The following LSM11 variants were observed in gnomAD, a reference collection of about 807,000 sequenced individuals.
LSM11 encodes the protein U7 snRNA-associated Sm-like protein LSm11.
LSM11 carries 14 observed loss-of-function variants against 28.1 expected under a neutral mutation model. The ratio of observed to expected loss-of-function variants is 0.50; its 90% confidence interval spans 0.33 to 0.78. LSM11 has a LOEUF of 0.78. Ranked by LOEUF, LSM11 falls within the 30% of genes least tolerant of loss-of-function variation. The probability of loss-of-function intolerance (pLI) is 0.02; values close to 1 mark genes in which losing one functional copy is unlikely to be tolerated. For synonymous variants in LSM11, 207 were observed against 214.2 expected, an observed-to-expected ratio of 0.97 and a Z score of 0.30; for missense variants, 495 against 510.6, an observed-to-expected ratio of 0.97 and a Z score of 0.30.
rs1761097995 is a variant in LSM11, at chr5:157,743,738, G to C, written c.-13G>C. 3.7e-6 allele frequency: 5 copies of C among 1,348,136 alleles called. No homozygotes were observed. The South Asian group carries it at 5.2e-5, about 14-fold the overall frequency. 83.5% of individuals were successfully genotyped at this position (1,348,136 alleles called of 1,614,324 possible). On this transcript the variant is annotated 5_prime_UTR_variant, in exon 1 of 4. Transcript: ENST00000286307. The stretch of plus-strand genomic sequence containing the variant: ...CTTCTTCCCATCGGCCTCGGCTTGC[G>C]GGCCTTTCAAACATGGAGGAGCGGG...
At chr5:157,749,977 A>G (rs34278891) in intron 1 of LSM11, among the ~76,000 whole-genome samples, 16,074 of 152,262 alleles carry the variant, frequency 0.11, 912 homozygotes, top group Middle Eastern at 0.14. Flanking sequence ...TCATTTGTCT[A>G]CTGTCAATGC....
At chr5:157,747,993 C>CTGTGTGTGTGTGTGTG (rs5872520) in intron 1 of LSM11, among the ~76,000 whole-genome samples, 56 of 148,734 alleles carry the variant, frequency 3.8e-4, no homozygotes, top group African/African-American at 1.3e-3. Flanking sequence ...CACCACACTG[C>CTGTGTGTGTGTGTGTG]TGTGTGTGTG....
chr5:157,751,567 A>T, intron 2 of LSM11, 38 bp downstream of exon 2: 1 of 1,528,488 alleles, frequency 6.5e-7, no homozygotes, highest in Non-Finnish European at 8.7e-7. Flanking sequence ...AGAACCTCCT[A>T]CAGATTATAT....
chr5:157,743,914 A>C lies in LSM11; in HGVS notation c.164A>C (p.Asn55Thr). The change falls in exon 1 of 4, where the codon AAC becomes ACC. Residue 55 changes from asparagine (N) to threonine (T), a missense_variant. Transcript: ENST00000286307. Reference protein sequence around the residue: ...IPYPNAPCFNNVAEYESFLRT... With the variant: ...IPYPNAPCFNTVAEYESFLRT... Reference sequence around the variant, plus strand: ...TACCCCAATGCCCCCTGCTTCAACAACGTGGCGGAGTACGAGAGCTTCCTC... The same window carrying C: ...TACCCCAATGCCCCCTGCTTCAACACCGTGGCGGAGTACGAGAGCTTCCTC... 6.6e-7 allele frequency: 1 copy of C among 1,505,234 alleles called. No homozygotes were observed. 93.2% of individuals were successfully genotyped at this position (1,505,234 alleles called of 1,614,324 possible).
chr5:157,750,995 T>A (rs149783787), intron 1 of LSM11, among the ~76,000 whole-genome samples: 9,813 of 152,230 alleles, frequency 0.064, 423 homozygotes, highest in Middle Eastern at 0.12. Context: ...TTGGCCAGGC[T>A]GATCTCAAAC....
At chr5:157,751,185 A>T (rs1761225458) in intron 1 of LSM11, among the ~76,000 whole-genome samples, 1 of 152,174 alleles carries the variant, frequency 6.6e-6, no homozygotes, top group African/African-American at 2.4e-5. Flanking sequence ...CATATGGATG[A>T]TCCACATTCT....
chr5:157,754,714 G>C, intron 3 of LSM11, 140 bp from the exon 4 acceptor site: 1 of 366,526 alleles, frequency 2.7e-6, no homozygotes, highest in Non-Finnish European at 4.7e-6. Flanking sequence ...AAAAAAAAAA[G>C]ATTTATTACT....
intron 3 of LSM11, among the ~76,000 whole-genome samples, chr5:157,754,465 G>A (rs1761290451): frequency 2.0e-5 from 3 of 152,014 alleles, no homozygotes; most frequent in South Asian, 4.2e-4. Flanking sequence ...AGGCCGAGGC[G>A]GGTGAATCAT....
At position 157,756,568 on chromosome 5, in the gene LSM11, G is replaced by A. The variant is rs1761331658; in HGVS notation, c.*1304G>A. On this transcript the variant is annotated 3_prime_UTR_variant, in exon 4 of 4. Transcript: ENST00000286307. ...AACTTTCCCCTGCTGTATTTGTTGT[G>A]TAACATAAATAAGCCTTCTGAGAAG... 1 of 152,546 alleles carries A rather than the reference G, an allele frequency of 6.6e-6. No homozygotes were observed. The highest frequency in any genetic ancestry group is 1.5e-5 in the Non-Finnish European group (1 of 68,034). 9.4% of individuals were successfully genotyped at this position (152,546 alleles called of 1,614,324 possible).
At position 157,755,973 on chromosome 5, in the gene LSM11, T is replaced by C. The variant is rs768105162; in HGVS notation, c.*709T>C. 12 of 335,762 alleles carry C rather than the reference T, an allele frequency of 3.6e-5. No homozygotes were observed. Among genetic ancestry groups the C allele is most frequent in the Non-Finnish European group, 6.4e-5 (12 of 187,188 alleles). The allele number at this position is 335,762 out of a possible 1,614,324, so 20.8% of individuals were successfully genotyped here. A position where few individuals can be genotyped will look rare whatever the true frequency, so the allele number is the denominator to read the frequency against. On this transcript the variant is annotated 3_prime_UTR_variant, in exon 4 of 4. Transcript: ENST00000286307. ...GCAAATGGCATACCAGATGGGACTC[T>C]AAGATGCTTGTGTGGTGGCTTCTTG...
At chr5:157,746,339 G>A (rs1322219473) in intron 1 of LSM11, among the ~76,000 whole-genome samples, 1 of 152,224 alleles carries the variant, frequency 6.6e-6, no homozygotes, top group African/African-American at 2.4e-5. Context: ...GCAAGAAGAA[G>A]CTTTGTTAGG....
In LSM11 at chr5:157,743,773, C is replaced by T. The variant is rs1467284330; in HGVS notation, c.23C>T (p.Ala8Val). The change falls in exon 1 of 4, where the codon GCG becomes GTG. Residue 8 changes from alanine (A) to valine (V), a missense_variant. Transcript: ENST00000286307. MEERERG[A>V]RSAGAGSPAR... ...AACATGGAGGAGCGGGAGCGGGGGG[C>T]GAGGTCGGCTGGCGCCGGGAGCCCC... 5 of 1,411,202 alleles carry T rather than the reference C, an allele frequency of 3.5e-6. No individual in the cohort carries two copies. The highest frequency in any genetic ancestry group is 4.6e-6 in the Non-Finnish European group (5 of 1,084,738). The allele number at this position is 1,411,202 out of a possible 1,614,324, so 87.4% of individuals were successfully genotyped here.
chr5:157,755,968 G>T lies in LSM11; in HGVS notation c.*704G>T, dbSNP rs184283558. ...CCTCTGCAAATGGCATACCAGATGG[G>T]ACTCTAAGATGCTTGTGTGGTGGCT... On this transcript the variant is annotated 3_prime_UTR_variant, in exon 4 of 4. Transcript: ENST00000286307. 342 of 343,218 alleles carry T rather than the reference G, an allele frequency of 1.0e-3. 1 individual carries two copies. Among genetic ancestry groups the T allele is most frequent in the Admixed American group, 3.9e-3 (81 of 20,882 alleles). 21.3% of individuals were successfully genotyped at this position (343,218 alleles called of 1,614,324 possible). A position where few individuals can be genotyped will look rare whatever the true frequency, so the allele number is the denominator to read the frequency against.
intron 1 of LSM11, among the ~76,000 whole-genome samples, chr5:157,750,049 T>G (rs896879613): frequency 3.3e-5 from 5 of 152,232 alleles, no homozygotes; most frequent in African/African-American, 4.8e-5. Context: ...TACAGAATTT[T>G]GCGTTGCAAA....
At chr5:157,744,702 G>A (rs964956274) in intron 1 of LSM11, among the ~76,000 whole-genome samples, 1 of 152,146 alleles carries the variant, frequency 6.6e-6, no homozygotes, top group African/African-American at 2.4e-5. Flanking sequence ...CCAATATTAG[G>A]GGAAGGAGAG....
intron 2 of LSM11, among the ~76,000 whole-genome samples, 153 bp downstream of exon 2, chr5:157,751,682 A>G (rs974906764): frequency 6.6e-6 from 1 of 152,224 alleles, no homozygotes; most frequent in African/African-American, 2.4e-5. Flanking sequence ...AACAACAAGA[A>G]AAGGTCTTTT....
rs1429726196 is a variant in LSM11 at position 157,743,740 on chromosome 5, G to A, written c.-11G>A. The stretch of plus-strand genomic sequence containing the variant: ...TCTTCCCATCGGCCTCGGCTTGCGG[G>A]CCTTTCAAACATGGAGGAGCGGGAG... On this transcript the variant is annotated 5_prime_UTR_variant, in exon 1 of 4. Coordinates refer to ENST00000286307, the MANE Select transcript of LSM11 (RefSeq NM_173491.4). 4 of 1,351,460 alleles carry A rather than the reference G, an allele frequency of 3.0e-6. No homozygotes were observed. In the East Asian group the frequency reaches 1.2e-4, roughly 41 times the overall value. 83.7% of individuals were successfully genotyped at this position (1,351,460 alleles called of 1,614,324 possible). A position where few individuals can be genotyped will look rare whatever the true frequency, so the allele number is the denominator to read the frequency against.
At chr5:157,754,692 C>CAAAAA (rs34644413) in intron 3 of LSM11, among the ~76,000 whole-genome samples, 162 bp from the exon 4 acceptor site, 2 of 90,292 alleles carry the variant, frequency 2.2e-5, no homozygotes, top group Non-Finnish European at 4.3e-5. Context: ...ACTCCGTCTC[C>CAAAAA]AAAAAAAAAA....
At position 157,756,265 on chromosome 5, in the gene LSM11, C is replaced by G. The variant is rs1391042775; in HGVS notation, c.*1001C>G. ...GGTAGATTTATTCCCTTGTGTCAGG[C>G]CAAAGAAGTTCTTACAAAGTACAGT... On this transcript the variant is annotated 3_prime_UTR_variant, in exon 4 of 4. Coordinates refer to ENST00000286307, the MANE Select transcript of LSM11 (RefSeq NM_173491.4). 1 of 152,644 alleles carries G rather than the reference C, an allele frequency of 6.6e-6. No homozygotes were observed. Among genetic ancestry groups the G allele is most frequent in the East Asian group, 1.9e-4 (1 of 5,200 alleles). The allele number at this position is 152,644 out of a possible 1,614,324, so 9.5% of individuals were successfully genotyped here.
Sources: allele counts gnomAD v4.1 joint callset (sites outside exome capture counted in the v4.1 genomes callset), GRCh38; gene constraint gnomAD v4.1.1; transcripts MANE v1.5; gene names NCBI Gene and HGNC (gene_info 2026-07-23, HGNC 2026-07-21).